The following CSMD3 variants were observed in gnomAD, a reference collection of about 807,000 sequenced individuals.
CSMD3 encodes the protein CUB and sushi domain-containing protein 3.
Under a neutral mutation model 435.2 loss-of-function variants are expected in CSMD3, and 177 were observed. The observed-to-expected ratio is 0.41, with a 90% CI of 0.36 to 0.46. CSMD3 has a LOEUF of 0.46. CSMD3 is among the 20% of genes least tolerant of loss of function. The pLI, the probability that CSMD3 is intolerant of heterozygous loss-of-function variation, is 0.34. For missense variants in CSMD3, 4,265 were observed against 4,504.6 expected, an observed-to-expected ratio of 0.95 and a Z score of 1.52; for synonymous variants, 1,656 against 1,520.5, an observed-to-expected ratio of 1.09 and a Z score of -2.07.
chr8:112,932,530 T>C (rs778268731), intron 9 of CSMD3, among the ~76,000 whole-genome samples: 3 of 151,734 alleles, frequency 2.0e-5, no homozygotes, highest in Non-Finnish European at 2.9e-5. Flanking sequence ...GCAGGCTACT[T>C]GGGAGGCTGA....
At chr8:112,668,802 A>G (rs1443349430) in intron 16 of CSMD3, among the ~76,000 whole-genome samples, 2 of 151,934 alleles carry the variant, frequency 1.3e-5, no homozygotes, top group East Asian at 3.9e-4. Context: ...TCGGTCAGCA[A>G]AAGTCTCATC....
intron 68 of CSMD3, among the ~76,000 whole-genome samples, chr8:112,233,164 G>C (rs1354597937): frequency 6.6e-6 from 1 of 152,152 alleles, no homozygotes; most frequent in Non-Finnish European, 1.5e-5. Context: ...CTACTAAGTA[G>C]TAAAGTGATA....
chr8:112,755,636 C>G (rs2077681306), intron 13 of CSMD3, among the ~76,000 whole-genome samples: 1 of 150,558 alleles, frequency 6.6e-6, no homozygotes, highest in Non-Finnish European at 1.5e-5. Context: ...TGAGAACGGA[C>G]TAATAGAGAT....
intron 27 of CSMD3, among the ~76,000 whole-genome samples, chr8:112,544,717 A>C (rs1268612045): frequency 6.6e-6 from 1 of 152,116 alleles, no homozygotes; most frequent in Admixed American, 6.5e-5. Context: ...TTTCACAAGG[A>C]TTGGTTTTTG....
chr8:113,410,741 GAAAA>G (rs34022107), intron 1 of CSMD3, among the ~76,000 whole-genome samples: 14 of 142,910 alleles, frequency 9.8e-5, no homozygotes, highest in African/African-American at 2.1e-4. Context: ...ATCTGTACTG[GAAAA>G]AAAAAAAAAA....
intron 5 of CSMD3, among the ~76,000 whole-genome samples, chr8:113,091,072 A>G (rs1475051832): frequency 6.6e-6 from 1 of 152,144 alleles, no homozygotes; most frequent in African/African-American, 2.4e-5. Context: ...ATCAAAATGA[A>G]AAAGGTGTTT....
rs749249290 is a variant in CSMD3, at chr8:112,351,203, T to C, written c.6297A>G (p.Arg2099=). The C allele has an allele frequency of 7.5e-6, 12 of 1,608,862 alleles. No homozygotes were observed. The highest frequency in any genetic ancestry group is 1.0e-5 in the Non-Finnish European group (12 of 1,175,664). The change falls in exon 40 of 71, where the codon AGA becomes AGG. Residue 2099 remains arginine (R), a synonymous_variant. Coordinates refer to ENST00000297405, the MANE Select transcript of CSMD3 (RefSeq NM_198123.2). ...AACAAATTGGGATTGGATAATTCCA[T>C]CTTCTTACAGGTCCTGGCATACATG... ...HITCMPGPVR[R]WNYPIPICLA...
At chr8:112,928,857 C>T (rs372321202) in intron 9 of CSMD3, among the ~76,000 whole-genome samples, 1 of 147,090 alleles carries the variant, frequency 6.8e-6, no homozygotes, top group Non-Finnish European at 1.5e-5. Context: ...CCTGAGGAAT[C>T]GCCACACTGA....
At chr8:112,885,250 C>T (rs1273741195) in intron 10 of CSMD3, among the ~76,000 whole-genome samples, 1 of 151,184 alleles carries the variant, frequency 6.6e-6, no homozygotes, top group Non-Finnish European at 1.5e-5. Context: ...ATCTGAGATG[C>T]CAAGTAGCAG....
intron 38 of CSMD3, among the ~76,000 whole-genome samples, chr8:112,354,157 T>G (rs899170828): frequency 3.3e-5 from 5 of 152,058 alleles, no homozygotes; most frequent in African/African-American, 4.8e-5. Context: ...CACTTAATGA[T>G]AAAAACCCTA....
intron 6 of CSMD3, among the ~76,000 whole-genome samples, chr8:112,986,986 A>G (rs1464662955): frequency 1.3e-5 from 2 of 152,098 alleles, no homozygotes; most frequent in African/African-American, 4.8e-5. Flanking sequence ...ATGAGACTAT[A>G]TATCTGTGTG....
chr8:113,306,366 T>C (rs975977188), intron 2 of CSMD3, among the ~76,000 whole-genome samples: 5 of 152,156 alleles, frequency 3.3e-5, no homozygotes, highest in Non-Finnish European at 7.4e-5. Context: ...TCACTCTCAA[T>C]GTAATCTTTA....
intron 9 of CSMD3, among the ~76,000 whole-genome samples, chr8:112,942,566 T>C (rs1405106454): frequency 6.6e-6 from 1 of 151,734 alleles, no homozygotes; most frequent in Non-Finnish European, 1.5e-5. Flanking sequence ...TGCAGCAATA[T>C]GTATGAAGCT....
At chr8:113,210,533 T>C (rs1341438293) in intron 3 of CSMD3, among the ~76,000 whole-genome samples, 1 of 152,082 alleles carries the variant, frequency 6.6e-6, no homozygotes, top group African/African-American at 2.4e-5. Flanking sequence ...TATCATTAGA[T>C]TCATCCAAAA....
intron 10 of CSMD3, among the ~76,000 whole-genome samples, chr8:112,886,200 G>A (rs1441503668): frequency 2.0e-5 from 3 of 151,334 alleles, no homozygotes; most frequent in Non-Finnish European, 4.4e-5. Flanking sequence ...ATTTATCTCT[G>A]AAACTCTGAA....
intron 12 of CSMD3, 86 bp from the exon 13 acceptor site, chr8:112,800,360 A>T: frequency 1.1e-6 from 1 of 919,940 alleles, no homozygotes; most frequent in South Asian, 1.3e-5. Flanking sequence ...GTTTCTCAAT[A>T]CTTTCTTTGC....
At chr8:113,427,310 G>A (rs1449986507) in intron 1 of CSMD3, among the ~76,000 whole-genome samples, 1 of 151,114 alleles carries the variant, frequency 6.6e-6, no homozygotes, top group Non-Finnish European at 1.5e-5. Flanking sequence ...TAATCCTTAA[G>A]TTAATCTTTA....
chr8:112,567,842 C>T (rs1445961953), intron 24 of CSMD3, among the ~76,000 whole-genome samples: 3 of 152,110 alleles, frequency 2.0e-5, no homozygotes, highest in African/African-American at 7.2e-5. Flanking sequence ...TTTTCTCTTA[C>T]CCTACTCCCT....
At chr8:112,356,175 T>C (rs1014231185) in intron 38 of CSMD3, among the ~76,000 whole-genome samples, 1 of 152,178 alleles carries the variant, frequency 6.6e-6, no homozygotes, top group Non-Finnish European at 1.5e-5. Flanking sequence ...ATCTCATTAC[T>C]GGGTGTAGAA....
Sources: gnomAD v4.1 joint callset for allele counts (sites outside exome capture counted in the v4.1 genomes callset) on GRCh38, gnomAD v4.1.1 for gene constraint, MANE v1.5 for transcripts, NCBI Gene and HGNC (gene_info 2026-07-23, HGNC 2026-07-21) for gene names.